The following ZNF385D variants were observed in gnomAD, a reference collection of about 807,000 sequenced individuals.
ZNF385D encodes the protein zinc finger protein 659.
Under a neutral mutation model 35.8 loss-of-function variants are expected in ZNF385D, and 15 were observed. The observed-to-expected ratio is 0.42, with a 90% confidence interval of 0.28 to 0.64. ZNF385D has a LOEUF of 0.64. Among genes scored for constraint, ZNF385D ranks in the 30% least tolerant of loss-of-function variants. The pLI, the probability that ZNF385D is intolerant of heterozygous loss-of-function variation, is 0.23. For missense variants in ZNF385D, 474 were observed against 494.6 expected, an observed-to-expected ratio of 0.96 and a Z score of 0.39; for synonymous variants, 212 against 186.8, an observed-to-expected ratio of 1.13 and a Z score of -1.10.
chr3:22,273,922 AAAG>A (rs1396254480), intron 2 of ZNF385D, among the ~76,000 whole-genome samples: 2 of 152,030 alleles, frequency 1.3e-5, no homozygotes, highest in African/African-American at 4.8e-5. Context: ...TTTCCTACAA[AAAG>A]AAGGAGAGGT....
Position 22,247,654 on chromosome 3 carries a change from G to GTC in ZNF385D, c.107-78621_107-78620dup, listed in dbSNP as rs563640631. Among the ~76,000 whole-genome samples the GTC allele has an allele frequency of 4.5e-3, 623 of 138,910 alleles. 5 individuals carry two copies. Among genetic ancestry groups the GTC allele is most frequent in the African/African-American group, 0.019 (582 of 30,784 alleles). The allele number at this position is 138,910 out of a possible 152,430, so 91.1% of individuals were successfully genotyped here. A position where few individuals can be genotyped will look rare whatever the true frequency, so the allele number is the denominator to read the frequency against. ...TTATTTATTTATTTATTGAGATGGAGTCTCTCTCTCTGTCACCCAGTCTGG... is the reference window on the plus strand; with the variant it reads ...TTATTTATTTATTTATTGAGATGGAGTCTCTCTCTCTCTGTCACCCAGTCTGG... On this transcript the variant is annotated intron_variant, in intron 2 of 5. Transcript: ENST00000494108.
rs747771653 is a variant in ZNF385D at position 22,194,456 on chromosome 3, A to T, written c.107-25421T>A. ...AAATGGCTAACCAATTATACAGAGA[A>T]GATTTGTTTTTTAAAATCTTATTTT... On this transcript the variant is annotated intron_variant, in intron 2 of 5. Transcript: ENST00000494108. Among the ~76,000 whole-genome samples the T allele has an allele frequency of 1.7e-4, 26 of 151,842 alleles. 1 individual carries two copies. The highest frequency in any genetic ancestry group is 1.5e-5 in the Non-Finnish European group (1 of 67,810).
At chr3:21,764,930 TTC>T (rs1463888485) in intron 3 of ZNF385D, among the ~76,000 whole-genome samples, 4 of 152,158 alleles carry the variant, frequency 2.6e-5, no homozygotes, top group African/African-American at 9.7e-5. Flanking sequence ...CCTGAATAAT[TTC>T]TGTCACATTA....
At chr3:22,357,068 A>G (rs1696187556) in intron 2 of ZNF385D, among the ~76,000 whole-genome samples, 1 of 151,966 alleles carries the variant, frequency 6.6e-6, no homozygotes, top group South Asian at 2.1e-4. Flanking sequence ...ACATAAAAAG[A>G]AAATTCCATC....
At chr3:21,993,095 C>G (rs756985010) in intron 3 of ZNF385D, among the ~76,000 whole-genome samples, 1 of 152,166 alleles carries the variant, frequency 6.6e-6, no homozygotes, top group African/African-American at 2.4e-5. Context: ...ATACATAACT[C>G]TCCTGTAGAT....
intron 2 of ZNF385D, among the ~76,000 whole-genome samples, chr3:22,317,280 C>CAAAAAAAAAAAAA (rs59675675): frequency 1.1e-4 from 3 of 26,098 alleles, no homozygotes; most frequent in African/African-American, 3.4e-4. Context: ...ACTCCATCTC[C>CAAAAAAAAAAAAA]AAAAAAAAAA....
chr3:21,957,936 T>C (rs1479965), intron 3 of ZNF385D, among the ~76,000 whole-genome samples: 1 of 151,894 alleles, frequency 6.6e-6, no homozygotes, highest in Non-Finnish European at 1.5e-5. Flanking sequence ...ACTAATGTTG[T>C]CATTCAGAAA....
chr3:21,746,666 G>A (rs1045130492), intron 1 of ZNF385D, among the ~76,000 whole-genome samples: 5 of 152,140 alleles, frequency 3.3e-5, no homozygotes, highest in Admixed American at 6.5e-5. Context: ...TGTCAGCTTC[G>A]GGGAGATAGA....
chr3:21,501,347 G>C, intron 4 of ZNF385D, among the ~76,000 whole-genome samples: 1 of 152,090 alleles, frequency 6.6e-6, no homozygotes, highest in East Asian at 1.9e-4. Context: ...CAAGAACCCT[G>C]GTGTTCCTCT....
intron 3 of ZNF385D, among the ~76,000 whole-genome samples, chr3:21,763,024 C>G (rs1233448876): frequency 6.6e-6 from 1 of 152,122 alleles, no homozygotes; most frequent in Admixed American, 6.5e-5. Context: ...AGGTACTCAA[C>G]AAATGCTTGG....
At chr3:22,332,971 G>C (rs1333614118) in intron 2 of ZNF385D, among the ~76,000 whole-genome samples, 1 of 149,912 alleles carries the variant, frequency 6.7e-6, no homozygotes, top group African/African-American at 2.5e-5. Context: ...GGAGAACTTT[G>C]ATCAGTTCTT....
chr3:21,578,901 T>C (rs536600364), intron 2 of ZNF385D, among the ~76,000 whole-genome samples: 64 of 152,198 alleles, frequency 4.2e-4, no homozygotes, highest in Non-Finnish European at 5.7e-4. Flanking sequence ...GATTGCATTT[T>C]TTTAGAAAAG....
intron 3 of ZNF385D, among the ~76,000 whole-genome samples, chr3:21,848,916 T>A (rs1696194200): frequency 6.6e-6 from 1 of 152,104 alleles, no homozygotes; most frequent in African/African-American, 2.4e-5. Flanking sequence ...TAGTCTTCTA[T>A]CTTAGAACAT....
chr3:22,276,956 T>TA (rs2125372170), intron 2 of ZNF385D, among the ~76,000 whole-genome samples: 1 of 152,240 alleles, frequency 6.6e-6, no homozygotes, highest in Admixed American at 6.5e-5. Flanking sequence ...TGCATTCACT[T>TA]AAGACTTTAT....
chr3:21,703,568 C>G (rs73042164), intron 1 of ZNF385D, among the ~76,000 whole-genome samples: 12 of 152,136 alleles, frequency 7.9e-5, no homozygotes, highest in Admixed American at 5.2e-4. Flanking sequence ...TTTCAGCACG[C>G]CATTTATTTC....
At position 21,413,032 on chromosome 3, in the gene ZNF385D, T is replaced by G. The variant is rs1208164366; in HGVS notation, c.*8182A>C. On this transcript the variant is annotated 3_prime_UTR_variant, in exon 8 of 8. Transcript: ENST00000281523. ...GAATTGCCTTAATTATTATTATTAT[T>G]ACTTTTTTTCAAGAAAAAATAGTAC... The G allele has an allele frequency of 6.6e-6, 1 of 151,976 alleles. No homozygotes were observed. Among genetic ancestry groups the G allele is most frequent in the African/African-American group, 2.4e-5 (1 of 41,370 alleles). 9.4% of individuals were successfully genotyped at this position (151,976 alleles called of 1,614,324 possible).
At chr3:22,239,961 G>A (rs1013964524) in intron 2 of ZNF385D, among the ~76,000 whole-genome samples, 11 of 149,756 alleles carry the variant, frequency 7.3e-5, no homozygotes, top group African/African-American at 2.7e-4. Flanking sequence ...TGGATCACTC[G>A]AGTCTAGGAG....
At chr3:21,801,107 A>C (rs1188547801) in intron 3 of ZNF385D, among the ~76,000 whole-genome samples, 1 of 152,080 alleles carries the variant, frequency 6.6e-6, no homozygotes, top group Non-Finnish European at 1.5e-5. Context: ...CATTCTATTA[A>C]TATTCTTTAT....
chr3:21,924,926 C>G (rs913421620), intron 3 of ZNF385D, among the ~76,000 whole-genome samples: 1 of 152,106 alleles, frequency 6.6e-6, no homozygotes. Flanking sequence ...ACAGTAGTGT[C>G]AGAGGAAGCC....
Sources: gnomAD v4.1 joint callset for allele counts (sites outside exome capture counted in the v4.1 genomes callset) on GRCh38, gnomAD v4.1.1 for gene constraint, MANE v1.5 for transcripts, NCBI Gene and HGNC (gene_info 2026-07-23, HGNC 2026-07-21) for gene names.